CHRM2: variants seen among roughly 807,000 people sequenced by gnomAD.
CHRM2 encodes the protein muscarinic acetylcholine receptor M2.
CHRM2 carries 8 observed loss-of-function variants against 25.0 expected under a neutral mutation model. That is an observed-to-expected ratio of 0.32 (90% CI 0.19 to 0.58). CHRM2 has a LOEUF of 0.58. CHRM2 is among the 20% of genes least tolerant of loss of function. The probability of loss-of-function intolerance (pLI) is 0.88; values close to 1 mark genes in which losing one functional copy is unlikely to be tolerated. For synonymous variants in CHRM2, 202 were observed against 205.7 expected (o/e 0.98, Z 0.15); for missense variants, 440 against 567.1 (o/e 0.78, Z 2.28).
At chr7:137,006,937 C>T (rs1242251642) in intron 3 of CHRM2, among the ~76,000 whole-genome samples, 1 of 152,014 alleles carries the variant, frequency 6.6e-6, no homozygotes, top group Non-Finnish European at 1.5e-5. Flanking sequence ...TGCTTTTGAA[C>T]CTACAGGTTG....
chr7:136,875,431 T>C (rs1272174542), intron 2 of CHRM2, among the ~76,000 whole-genome samples: 1 of 152,136 alleles, frequency 6.6e-6, no homozygotes, highest in Non-Finnish European at 1.5e-5. Context: ...ACTGCTGCCC[T>C]CTGATCAGAC....
intron 2 of CHRM2, among the ~76,000 whole-genome samples, chr7:136,922,252 T>C (rs111725152): frequency 0.013 from 1,991 of 152,330 alleles, 24 homozygotes; most frequent in Middle Eastern, 0.027. Context: ...AATTTTACTG[T>C]ACAAGCATTT....
At chr7:136,939,589 T>C (rs933549749) in intron 2 of CHRM2, among the ~76,000 whole-genome samples, 1 of 152,204 alleles carries the variant, frequency 6.6e-6, no homozygotes, top group Non-Finnish European at 1.5e-5. Context: ...GATTCTGGGT[T>C]GGGATGTCAA....
At chr7:137,001,217 C>T (rs1804015023) in intron 3 of CHRM2, among the ~76,000 whole-genome samples, 1 of 152,150 alleles carries the variant, frequency 6.6e-6, no homozygotes, top group Admixed American at 6.6e-5. Flanking sequence ...CCTCCCCCCT[C>T]AGACAGGGTT....
At position 136,951,806 on chromosome 7, in the gene CHRM2, G is replaced by A. The variant is rs1180917431; in HGVS notation, c.-124-40381G>A. 2.0e-5 allele frequency among the ~76,000 whole-genome samples: 3 copies of A among 152,278 alleles called. No homozygotes were observed. In the East Asian group the frequency reaches 5.8e-4, roughly 29 times the overall value. On this transcript the variant is annotated intron_variant, in intron 2 of 3. Coordinates refer to ENST00000680005, the MANE Select transcript of CHRM2 (RefSeq NM_001006630.2). The stretch of plus-strand genomic sequence containing the variant: ...TGAATTGACTAGTGAGAAGAGACCT[G>A]TTTTTCTACTGAAATGGCAACCTTT...
chr7:136,886,160 G>A (rs1390410416), intron 2 of CHRM2, among the ~76,000 whole-genome samples: 1 of 152,126 alleles, frequency 6.6e-6, no homozygotes. Flanking sequence ...AAAAAATCTG[G>A]GTAGAATCAC....
intron 3 of CHRM2, among the ~76,000 whole-genome samples, chr7:136,994,791 A>G (rs1803482377): frequency 6.6e-6 from 1 of 151,912 alleles, no homozygotes; most frequent in Non-Finnish European, 1.5e-5. Flanking sequence ...AGCTTAAATT[A>G]TTTGATAAAT....
At chr7:136,882,371 CT>C (rs1353011022) in intron 2 of CHRM2, among the ~76,000 whole-genome samples, 1 of 151,714 alleles carries the variant, frequency 6.6e-6, no homozygotes, top group Non-Finnish European at 1.5e-5. Context: ...TTTCCTCCTC[CT>C]CCCCTTTCTT....
intron 2 of CHRM2, among the ~76,000 whole-genome samples, chr7:136,952,620 A>G (rs992849374): frequency 2.0e-5 from 3 of 152,030 alleles, no homozygotes; most frequent in Non-Finnish European, 4.4e-5. Flanking sequence ...GGTTTTTTGC[A>G]TAGATAAACT....
intron 2 of CHRM2, among the ~76,000 whole-genome samples, chr7:136,941,807 T>G (rs1463733904): frequency 6.6e-6 from 1 of 152,180 alleles, no homozygotes; most frequent in African/African-American, 2.4e-5. Flanking sequence ...TGGTAGTGGA[T>G]GCTTCTGTTT....
chr7:136,897,592 C>T (rs1584714440), intron 2 of CHRM2, among the ~76,000 whole-genome samples: 1 of 151,614 alleles, frequency 6.6e-6, no homozygotes, highest in East Asian at 1.9e-4. Context: ...TTGTTTTCTG[C>T]CTTTGCTTTT....
chr7:136,985,125 AAC>A (rs1280858249), intron 2 of CHRM2, among the ~76,000 whole-genome samples: 1 of 152,176 alleles, frequency 6.6e-6, no homozygotes, highest in Non-Finnish European at 1.5e-5. Flanking sequence ...CCAATGCTGC[AAC>A]ACACAGCACT....
intron 3 of CHRM2, among the ~76,000 whole-genome samples, chr7:136,999,571 C>T (rs914634092): frequency 2.6e-5 from 4 of 151,576 alleles, no homozygotes; most frequent in South Asian, 4.2e-4. Context: ...CAACAGGCCC[C>T]GGTGTATGAT....
At chr7:136,890,891 A>G (rs2130559603) in intron 2 of CHRM2, among the ~76,000 whole-genome samples, 1 of 152,068 alleles carries the variant, frequency 6.6e-6, no homozygotes, top group South Asian at 2.1e-4. Flanking sequence ...ATGTGTGTGT[A>G]TATGTGTGTG....
In CHRM2 at chr7:136,944,022, G is replaced by T. The variant is rs77663626; in HGVS notation, c.-124-48165G>T. Among the ~76,000 whole-genome samples the T allele has an allele frequency of 6.7e-3, 1,021 of 152,240 alleles. 11 individuals are homozygous for T. The highest frequency in any genetic ancestry group is 0.022 in the African/African-American group (930 of 41,556). On this transcript the variant is annotated intron_variant, in intron 2 of 3. Coordinates refer to ENST00000680005, the MANE Select transcript of CHRM2 (RefSeq NM_001006630.2). ...AGATAGGACTCTCTGATATGTGAAT[G>T]TGTACTTATTGACCACAGCTGCACT... is the stretch of plus-strand genomic sequence containing the variant.
At chr7:136,870,995 C>G (rs1485759326) in intron 2 of CHRM2, 1 of 152,590 alleles carries the variant, frequency 6.6e-6, no homozygotes, top group East Asian at 1.9e-4. Context: ...TTTGCCCATC[C>G]CCTAGTACAC....
chr7:136,974,176 G>A (rs930491479), intron 2 of CHRM2, among the ~76,000 whole-genome samples: 3 of 152,100 alleles, frequency 2.0e-5, no homozygotes, highest in African/African-American at 7.2e-5. Flanking sequence ...CTTCTACCAA[G>A]CACTCATTAC....
chr7:136,971,659 G>C (rs1801783266), intron 2 of CHRM2, among the ~76,000 whole-genome samples: 1 of 149,072 alleles, frequency 6.7e-6, no homozygotes, highest in Non-Finnish European at 1.5e-5. Context: ...GGAGTTTAGT[G>C]AAAATGTAAC....
intron 2 of CHRM2, among the ~76,000 whole-genome samples, chr7:136,911,184 C>G (rs185846260): frequency 5.6e-4 from 85 of 151,812 alleles, no homozygotes; most frequent in African/African-American, 2.1e-3. Flanking sequence ...AATGTTTTAT[C>G]ACTTCATACA....
Sources: allele counts gnomAD v4.1 joint callset (sites outside exome capture counted in the v4.1 genomes callset), GRCh38; gene constraint gnomAD v4.1.1; transcripts MANE v1.5; gene names NCBI Gene and HGNC (gene_info 2026-07-23, HGNC 2026-07-21).